TAF4: variants seen among roughly 807,000 people sequenced by gnomAD.
TAF4 encodes the protein transcription initiation factor TFIID subunit 4.
In TAF4, 9 loss-of-function variants were observed where a neutral mutation model predicts 90.3. The observed-to-expected ratio is 0.10, with a 90% CI of 0.06 to 0.17. The LOEUF (loss-of-function observed/expected upper bound fraction) is 0.17. Among genes scored for constraint, TAF4 ranks in the 10% least tolerant of loss-of-function variants. The probability of loss-of-function intolerance (pLI) is 1.00; values close to 1 mark genes in which losing one functional copy is unlikely to be tolerated. For missense variants in TAF4, 1,351 were observed against 1,370.7 expected, an observed-to-expected ratio of 0.99 and a Z score of 0.23; for synonymous variants, 818 against 638.9, an observed-to-expected ratio of 1.28 and a Z score of -4.23.
intron 1 of TAF4, among the ~76,000 whole-genome samples, chr20:62,045,268 G>A (rs1381168879): frequency 1.3e-5 from 2 of 152,188 alleles, no homozygotes; most frequent in South Asian, 2.1e-4. Context: ...CCTCCCCACC[G>A]GCCACACAAG....
In TAF4 at chr20:62,064,705, G is replaced by A. The variant is rs2056112736; in HGVS notation, c.1106C>T (p.Thr369Met). Residue 369 changes from threonine to methionine, a missense_variant, in exon 1 of 15, where the codon ACG becomes ATG. Thr to Met is a moderately conservative substitution (Grantham distance 81). This residue lies in a region of TAF4 where 782 missense variants were observed against 536.6 expected (regional missense o/e 1.46). Transcript: ENST00000252996. ...QTLAASGPASTAASMVIGPTM... is the reference protein window; with the variant it reads ...QTLAASGPASMAASMVIGPTM... ...TGGCCCGATGACCATGCTGGCCGCC[G>A]TGCTGGCCGGGCCGCTGGCCGCCAG... is the stretch of plus-strand genomic sequence containing the variant. 6.4e-6 allele frequency: 8 copies of A among 1,242,998 alleles called. No homozygotes were observed. The East Asian group carries it at 1.8e-4, about 28-fold the overall frequency. 77.0% of individuals were successfully genotyped at this position (1,242,998 alleles called of 1,614,324 possible).
chr20:62,062,318 A>G (rs2056093340), intron 1 of TAF4, among the ~76,000 whole-genome samples: 1 of 152,146 alleles, frequency 6.6e-6, no homozygotes, highest in Non-Finnish European at 1.5e-5. Context: ...AGTATTTGCA[A>G]TTTGCCATTC....
At chr20:62,005,359 A>G (rs1938328607) in intron 7 of TAF4, 1 of 152,284 alleles carries the variant, frequency 6.6e-6, no homozygotes, top group African/African-American at 2.4e-5. Flanking sequence ...GGGAAGCAGA[A>G]TGCAGAGGTG....
chr20:61,999,478 G>T (rs2055685035), intron 11 of TAF4, among the ~76,000 whole-genome samples: 1 of 152,250 alleles, frequency 6.6e-6, no homozygotes, highest in Non-Finnish European at 1.5e-5. Context: ...CTGCCTCCCG[G>T]CTGTGGCAGC....
chr20:62,025,315 G>T (rs1466208901), intron 1 of TAF4, among the ~76,000 whole-genome samples: 1 of 152,234 alleles, frequency 6.6e-6, no homozygotes, highest in Non-Finnish European at 1.5e-5. Context: ...AATTTCTGGT[G>T]TATCTATAAT....
intron 14 of TAF4, among the ~76,000 whole-genome samples, chr20:61,978,009 C>T (rs1477861488): frequency 1.3e-5 from 2 of 152,230 alleles, no homozygotes; most frequent in Non-Finnish European, 2.9e-5. Context: ...GATATTCTAA[C>T]GCAAGTGTCA....
At chr20:62,000,394 G>A in intron 10 of TAF4, 140 bp from the exon 11 acceptor site, 3 of 1,396,926 alleles carry the variant, frequency 2.1e-6, no homozygotes, top group Non-Finnish European at 2.9e-6. Flanking sequence ...GAAGGCAGTG[G>A]TACCCATATT....
chr20:62,033,925 C>T (rs1388117800), intron 1 of TAF4, among the ~76,000 whole-genome samples: 1 of 151,648 alleles, frequency 6.6e-6, no homozygotes, highest in African/African-American at 2.4e-5. Context: ...GCCTGTAGTC[C>T]CTACTACTTG....
rs1433992759 is a variant in TAF4 at position 61,975,406 on chromosome 20, G to A, written c.*762C>T. The A allele has an allele frequency of 1.3e-5, 2 of 151,218 alleles. No homozygotes were observed. The highest frequency in any genetic ancestry group is 6.6e-5 in the Admixed American group (1 of 15,042). The allele number at this position is 151,218 out of a possible 1,614,324, so 9.4% of individuals were successfully genotyped here. A position where few individuals can be genotyped will look rare whatever the true frequency, so the allele number is the denominator to read the frequency against. ...TATTTAATCTAGGTTTTCACTTTTA[G>A]CTAAAAAACACAGTGCAAGTAAAAT... On this transcript the variant is annotated 3_prime_UTR_variant, in exon 15 of 15. Coordinates refer to ENST00000252996, the MANE Select transcript of TAF4 (RefSeq NM_003185.4).
chr20:62,013,767 C>T (rs1175794802), intron 2 of TAF4, among the ~76,000 whole-genome samples: 1 of 152,236 alleles, frequency 6.6e-6, no homozygotes, highest in African/African-American at 2.4e-5. Context: ...CGTGCGGGCA[C>T]GTGCAGGTGA....
At chr20:62,008,037 A>G in intron 5 of TAF4, 1 of 164,222 alleles carries the variant, frequency 6.1e-6, no homozygotes, top group Non-Finnish European at 1.3e-5. Flanking sequence ...AGGAGGTCAC[A>G]GCGTGCCAGG....
intron 3 of TAF4, 83 bp downstream of exon 3, chr20:62,012,728 AAAAC>A (rs1038200400): frequency 7.4e-7 from 1 of 1,354,762 alleles, no homozygotes; most frequent in Admixed American, 2.9e-5. Context: ...AAAAAAAAAA[AAAAC>A]TCCTAAGGCC....
Position 62,065,684 on chromosome 20 carries a change from G to C in TAF4, c.127C>G (p.Leu43Val), listed in dbSNP as rs759867658. Residue 43 changes from leucine (L) to valine (V), a missense_variant, in exon 1 of 15, where the codon CTC (leucine) becomes GTC (valine). Leu to Val is a conservative substitution (Grantham distance 32). Around this residue, in one of 9 missense-constraint regions of TAF4, gnomAD observed 782 missense variants for 536.6 expected, o/e 1.46. Transcript: ENST00000252996. ...CGCACCTCGGGCGTGCGCGGCGCGA[G>C]GTGGTGGTGGTGGGCCGCGCTGGCC... is the stretch of plus-strand genomic sequence containing the variant. ...LAASAAHHHH[L>V]APRTPEVRAA... 1.7e-6 allele frequency: 2 copies of C among 1,199,158 alleles called. No homozygotes were observed. Among genetic ancestry groups the C allele is most frequent in the South Asian group, 1.9e-5 (1 of 53,364 alleles). 74.3% of individuals were successfully genotyped at this position (1,199,158 alleles called of 1,614,324 possible).
chr20:61,978,894 A>C (rs2055516166), intron 14 of TAF4: 1 of 153,476 alleles, frequency 6.5e-6, no homozygotes, highest in South Asian at 2.1e-4. Flanking sequence ...TTTTTCTTCA[A>C]ATTTTTCTTA....
chr20:62,037,169 G>A (rs903544284), intron 1 of TAF4, among the ~76,000 whole-genome samples: 4 of 110,702 alleles, frequency 3.6e-5, no homozygotes, highest in East Asian at 2.0e-4. Flanking sequence ...TGTGCGTCAT[G>A]AGAGAAGACA....
intron 1 of TAF4, among the ~76,000 whole-genome samples, chr20:62,037,274 G>A (rs985522389): frequency 2.6e-5 from 4 of 152,006 alleles, no homozygotes; most frequent in African/African-American, 9.7e-5. Context: ...AGTGCAATGA[G>A]ACAAGAACAA....
At chr20:61,976,377 A>T in intron 14 of TAF4, 42 bp from the exon 15 acceptor site, 1 of 1,604,986 alleles carries the variant, frequency 6.2e-7, no homozygotes, top group Non-Finnish European at 8.5e-7. Flanking sequence ...AGTGGGGCTC[A>T]GAGTGGGGCT....
At chr20:61,998,869 A>C in intron 12 of TAF4, 114 bp downstream of exon 12, 1 of 1,418,618 alleles carries the variant, frequency 7.0e-7, no homozygotes, top group South Asian at 1.3e-5. Flanking sequence ...CTTTGCTTCA[A>C]GGCCAGCCCA....
chr20:61,980,759 G>A (rs771840135), intron 14 of TAF4: 2 of 152,284 alleles, frequency 1.3e-5, no homozygotes, highest in Non-Finnish European at 2.9e-5. Flanking sequence ...CACTGGACGA[G>A]GGCGCCTAGA....
Sources: allele counts gnomAD v4.1 joint callset (sites outside exome capture counted in the v4.1 genomes callset), GRCh38; gene constraint gnomAD v4.1.1; regional missense constraint gnomAD v4.1.1; transcripts MANE v1.5; gene names NCBI Gene and HGNC (gene_info 2026-07-23, HGNC 2026-07-21).